Variants in IGF2BP3 observed in about 807,000 individuals in gnomAD.
IGF2BP3 encodes insulin like growth factor 2 mRNA binding protein 3.
A neutral mutation model predicts 73.8 loss-of-function variants in IGF2BP3; 9 were observed. The ratio of observed to expected loss-of-function variants is 0.12; its 90% CI spans 0.07 to 0.21. IGF2BP3 has a LOEUF of 0.21. Ranked by LOEUF, IGF2BP3 falls within the 10% of genes least tolerant of loss-of-function variation. The probability of loss-of-function intolerance (pLI) is 1.00; values close to 1 mark genes in which losing one functional copy is unlikely to be tolerated. For missense variants in IGF2BP3, 542 were observed against 714.0 expected (o/e 0.76, Z 2.75); for synonymous variants, 258 against 256.7 (o/e 1.01, Z -0.05).
chr7:23,448,273 G>C (rs374783603), intron 2 of IGF2BP3, among the ~76,000 whole-genome samples: 3 of 152,212 alleles, frequency 2.0e-5, no homozygotes, highest in Non-Finnish European at 2.9e-5. Context: ...GCACGACCTG[G>C]TATCAACATG....
At chr7:23,350,055 A>G (rs1784922352) in intron 6 of IGF2BP3, among the ~76,000 whole-genome samples, 1 of 152,212 alleles carries the variant, frequency 6.6e-6, no homozygotes, top group East Asian at 1.9e-4. Flanking sequence ...GCTTCAAAGC[A>G]GGGGAAGGCA....
In IGF2BP3 at chr7:23,468,499, C is replaced by T. The variant is rs1221129734; in HGVS notation, c.219G>A (p.Ser73=). 1 of 1,614,204 alleles carries T rather than the reference C, an allele frequency of 6.2e-7. No homozygotes were observed. Among genetic ancestry groups the T allele is most frequent in the African/African-American group, 1.3e-5 (1 of 75,060 alleles). ...LHGKPIEVEH[S]VPKRQRIRKL... ...CAGCTCACCTTTGCCTTTTTGGGAC[C>T]GAGTGCTCAACTTCTATGGGTTTCC... The change falls in exon 2 of 15, where the codon TCG becomes TCA. Residue 73 remains serine (S), a synonymous_variant. Coordinates refer to ENST00000258729, the MANE Select transcript of IGF2BP3 (RefSeq NM_006547.3).
At chr7:23,314,412 C>A (rs1487413017) in intron 12 of IGF2BP3, among the ~76,000 whole-genome samples, 1 of 151,800 alleles carries the variant, frequency 6.6e-6, no homozygotes, top group Non-Finnish European at 1.5e-5. Flanking sequence ...TCTCGAACTC[C>A]TGACTTCAAG....
intron 2 of IGF2BP3, among the ~76,000 whole-genome samples, chr7:23,443,538 C>T (rs1252920189): frequency 6.6e-6 from 1 of 152,004 alleles, no homozygotes; most frequent in East Asian, 1.9e-4. Context: ...TGGTGGCATG[C>T]ACCTGTAATC....
chr7:23,345,874 C>T, intron 8 of IGF2BP3, 66 bp downstream of exon 8: 2 of 1,563,070 alleles, frequency 1.3e-6, no homozygotes, highest in Non-Finnish European at 1.7e-6. Flanking sequence ...GAAGCTAAGC[C>T]CAATACACAA....
rs765538897 is a variant in IGF2BP3, at chr7:23,351,426, C to A, written c.562G>T (p.Val188Leu). 4 of 1,613,276 alleles carry A rather than the reference C, an allele frequency of 2.5e-6. No homozygotes were observed. The highest frequency in any genetic ancestry group is 3.4e-6 in the Non-Finnish European group (4 of 1,179,724). ...GSSRQGSPGS[V>L]SKQKPCDLPL... is the part of the protein sequence containing the mutation. ...AAATCACATGGTTTCTGCTTGGATACGGATCCTGGAGACCCCTGCCTTGAG... is the reference window on the plus strand; with the variant it reads ...AAATCACATGGTTTCTGCTTGGATAAGGATCCTGGAGACCCCTGCCTTGAG... Residue 188 changes from valine (V) to leucine (L), a missense_variant, in exon 6 of 15, where the codon GTA (valine) becomes TTA (leucine). Val to Leu is a conservative substitution (Grantham distance 32). Coordinates refer to ENST00000258729, the MANE Select transcript of IGF2BP3 (RefSeq NM_006547.3).
At chr7:23,407,961 G>T (rs879630442) in intron 3 of IGF2BP3, among the ~76,000 whole-genome samples, 14,189 of 41,752 alleles carry the variant, frequency 0.34, 991 homozygotes, top group African/African-American at 0.46. Context: ...GGCGGGGGGC[G>T]GGGGGGGGGG....
At chr7:23,431,180 C>T (rs1460845345) in intron 2 of IGF2BP3, 2 of 152,184 alleles carry the variant, frequency 1.3e-5, no homozygotes, top group Non-Finnish European at 2.9e-5. Context: ...GTGATGAGCA[C>T]TGGCTGGTAG....
chr7:23,428,467 G>A (rs549889959), intron 2 of IGF2BP3, among the ~76,000 whole-genome samples: 213 of 150,514 alleles, frequency 1.4e-3, no homozygotes, highest in African/African-American at 4.5e-3. Flanking sequence ...GAGAGACTCC[G>A]TCTCAAAAAA....
At chr7:23,355,060 A>C (rs1785057258) in intron 5 of IGF2BP3, among the ~76,000 whole-genome samples, 2 of 152,190 alleles carry the variant, frequency 1.3e-5, no homozygotes, top group Non-Finnish European at 2.9e-5. Flanking sequence ...TGAGTTCACG[A>C]GGAAAAAAAA....
At chr7:23,385,500 C>T (rs1232834434) in intron 3 of IGF2BP3, among the ~76,000 whole-genome samples, 1 of 152,066 alleles carries the variant, frequency 6.6e-6, no homozygotes, top group East Asian at 1.9e-4. Context: ...CTAAATCTAA[C>T]CACCGATTCA....
At chr7:23,443,336 G>A (rs570386442) in intron 2 of IGF2BP3, among the ~76,000 whole-genome samples, 1 of 152,104 alleles carries the variant, frequency 6.6e-6, no homozygotes, top group Non-Finnish European at 1.5e-5. Context: ...TGTTGATCAG[G>A]CTGGTCTCGA....
At chr7:23,447,204 C>A (rs759497160) in intron 2 of IGF2BP3, among the ~76,000 whole-genome samples, 1 of 151,780 alleles carries the variant, frequency 6.6e-6, no homozygotes, top group Non-Finnish European at 1.5e-5. Flanking sequence ...CTGACTGACA[C>A]ACACACACAC....
intron 3 of IGF2BP3, among the ~76,000 whole-genome samples, chr7:23,371,897 A>G (rs906756761): frequency 6.6e-6 from 1 of 152,200 alleles, no homozygotes; most frequent in Non-Finnish European, 1.5e-5. Context: ...CTGAGAGAGA[A>G]CAGTCCAACA....
intron 2 of IGF2BP3, among the ~76,000 whole-genome samples, chr7:23,426,359 T>G (rs1236842405): frequency 7.6e-6 from 1 of 131,318 alleles, no homozygotes; most frequent in South Asian, 2.9e-4. Context: ...GGGCCAAAAT[T>G]GCCAGAAATG....
chr7:23,435,292 C>CAAAAAAAAA (rs35846648), intron 2 of IGF2BP3, among the ~76,000 whole-genome samples: 2 of 47,942 alleles, frequency 4.2e-5, no homozygotes, highest in African/African-American at 7.5e-5. Flanking sequence ...GACTCTGTCT[C>CAAAAAAAAA]AAAAAAAAAA....
chr7:23,459,344 C>T (rs1056596199), intron 2 of IGF2BP3, among the ~76,000 whole-genome samples: 6 of 152,046 alleles, frequency 3.9e-5, no homozygotes, highest in African/African-American at 1.4e-4. Context: ...GAATTTAGCT[C>T]CTCCCAAAAG....
At chr7:23,454,610 A>G (rs528018641) in intron 2 of IGF2BP3, among the ~76,000 whole-genome samples, 2 of 152,310 alleles carry the variant, frequency 1.3e-5, no homozygotes, top group African/African-American at 4.8e-5. Context: ...CCTCATTTAC[A>G]GATTTTAAAA....
At chr7:23,328,436 G>A (rs1784359871) in intron 10 of IGF2BP3, among the ~76,000 whole-genome samples, 1 of 152,140 alleles carries the variant, frequency 6.6e-6, no homozygotes, top group African/African-American at 2.4e-5. Context: ...TCCAACTCCT[G>A]ACCTCAGGTG....
Sources: allele counts gnomAD v4.1 joint callset (sites outside exome capture counted in the v4.1 genomes callset), GRCh38; gene constraint gnomAD v4.1.1; transcripts MANE v1.5; gene names NCBI Gene and HGNC (gene_info 2026-07-23, HGNC 2026-07-21).